Variants in SHQ1 observed in about 807,000 individuals in gnomAD.
SHQ1 encodes SHQ1, H/ACA ribonucleoprotein assembly factor.
A neutral mutation model predicts 53.8 loss-of-function variants in SHQ1; 49 were observed. The ratio of observed to expected loss-of-function variants is 0.91; its 90% CI spans 0.72 to 1.16. The LOEUF (loss-of-function observed/expected upper bound fraction) is 1.16. Ranked by LOEUF, SHQ1 falls within the 50% of genes most tolerant of loss-of-function variation. The pLI is 0.00. For synonymous variants in SHQ1, 243 were observed against 251.0 expected (o/e 0.97, Z 0.30); for missense variants, 738 against 683.1 (o/e 1.08, Z -0.90).
At chr3:72,777,702 G>T (rs1705986142) in intron 10 of SHQ1, among the ~76,000 whole-genome samples, 2 of 152,136 alleles carry the variant, frequency 1.3e-5, no homozygotes, top group Admixed American at 1.3e-4. Flanking sequence ...CCATTCCTAG[G>T]TATAGGGCTT....
At chr3:72,846,289 C>G (rs1219860496) in intron 1 of SHQ1, 3 of 1,521,140 alleles carry the variant, frequency 2.0e-6, no homozygotes, top group African/African-American at 1.4e-5. Context: ...GTATAGCAAA[C>G]TGTATGTTCT....
rs1171352955 is a variant in SHQ1, at chr3:72,765,555, A to ATTT, written c.1182-14720_1182-14719insAAA. 1.9e-3 allele frequency among the ~76,000 whole-genome samples: 133 copies of ATTT among 71,722 alleles called. 1 individual carries two copies. Among genetic ancestry groups the ATTT allele is most frequent in the African/African-American group, 6.6e-3 (103 of 15,496 alleles). The allele number at this position is 71,722 out of a possible 152,430, so 47.1% of individuals were successfully genotyped here. A position where few individuals can be genotyped will look rare whatever the true frequency, so the allele number is the denominator to read the frequency against. On this transcript the variant is annotated intron_variant, in intron 10 of 10. Transcript: ENST00000325599. Reference sequence around the variant, plus strand: ...CATATATATATATATATATATATATATATTTTTTTTTTTTTTTTGAGACAG... The same window carrying ATTT: ...CATATATATATATATATATATATATATTTTATTTTTTTTTTTTTTTTGAGACAG...
Position 72,750,624 on chromosome 3 carries a change from G to A in SHQ1, c.1394C>T (p.Ser465Leu). 1 of 1,614,172 alleles carries A rather than the reference G, an allele frequency of 6.2e-7. No individual in the cohort carries two copies. The highest frequency in any genetic ancestry group is 2.2e-5 in the East Asian group (1 of 44,888). Residue 465 changes from serine to leucine, a missense_variant, in exon 11 of 11, where the codon TCA becomes TTA. Physicochemically the swap from Ser to Leu is moderately radical, Grantham distance 145. Coordinates refer to ENST00000325599, the MANE Select transcript of SHQ1 (RefSeq NM_018130.3). ...TGAGCCTGAGTCTTCGTTTCCAGAT[G>A]ACACGCTGCTGTCTGAGTCCTCCGA... ...SDSEDSDSSVSSGNEDSGSDS... is the reference protein window; with the variant it reads ...SDSEDSDSSVLSGNEDSGSDS...
At chr3:72,796,101 CAAAAAAAAAAAAA>C (rs555086403) in intron 9 of SHQ1, among the ~76,000 whole-genome samples, 3 of 40,532 alleles carry the variant, frequency 7.4e-5, no homozygotes, top group East Asian at 7.3e-4. Flanking sequence ...GACTCCATCT[CAAAAAAAAAAAAA>C]AAAAAAAAAA....
rs570199611 is a variant in SHQ1 at position 72,819,284 on chromosome 3, G to GT, written c.728-1901dup. ...GACCCATTCGAATGTGTTTTGTCCA[G>GT]TTTTTTTCTATTGGATGGCTTGTCT... On this transcript the variant is annotated intron_variant, in intron 6 of 10. Coordinates refer to ENST00000325599, the MANE Select transcript of SHQ1 (RefSeq NM_018130.3). Among the ~76,000 whole-genome samples, 334 of 152,224 alleles carry GT rather than the reference G, an allele frequency of 2.2e-3. 2 individuals carry two copies. The highest frequency in any genetic ancestry group is 7.6e-3 in the African/African-American group (316 of 41,556).
the SHQ1 span, among the ~76,000 whole-genome samples, chr3:72,728,989 G>A: frequency 3.9e-5 from 6 of 152,204 alleles, no homozygotes; most frequent in East Asian, 1.9e-4. Flanking sequence ...GAAGCCAGCC[G>A]ACCAGGTGAC....
chr3:72,739,910 C>A, the SHQ1 span, among the ~76,000 whole-genome samples: 20 of 152,168 alleles, frequency 1.3e-4, no homozygotes, highest in African/African-American at 4.8e-4. Context: ...AGCTCCAGCA[C>A]CTTGCTATGA....
chr3:72,745,803 G>A (rs540357217), downstream of SHQ1, among the ~76,000 whole-genome samples: 7 of 151,804 alleles, frequency 4.6e-5, no homozygotes, highest in African/African-American at 1.7e-4. Context: ...TTCTGTCTAC[G>A]GCCATACCAC....
At chr3:72,771,029 T>A (rs576748088) in intron 10 of SHQ1, among the ~76,000 whole-genome samples, 4 of 152,300 alleles carry the variant, frequency 2.6e-5, no homozygotes, top group African/African-American at 9.6e-5. Context: ...TATACAGTTG[T>A]CTAGACTCAT....
At chr3:72,793,129 T>C in intron 9 of SHQ1, 93 bp from the exon 10 acceptor site, 1 of 1,156,270 alleles carries the variant, frequency 8.6e-7, no homozygotes, top group Admixed American at 2.5e-5. Context: ...AGAATCCTGA[T>C]CATTTCTTAA....
intron 10 of SHQ1, among the ~76,000 whole-genome samples, chr3:72,779,532 A>C (rs541981237): frequency 2.6e-5 from 4 of 152,224 alleles, no homozygotes; most frequent in Non-Finnish European, 5.9e-5. Flanking sequence ...TCCTCATCAG[A>C]CCACAAATTC....
chr3:72,779,068 G>C (rs984561040), intron 10 of SHQ1, among the ~76,000 whole-genome samples: 4 of 152,140 alleles, frequency 2.6e-5, no homozygotes. Flanking sequence ...ATCATATGCT[G>C]AAAATCCTTC....
the SHQ1 span, among the ~76,000 whole-genome samples, chr3:72,738,741 A>G: frequency 6.6e-6 from 1 of 152,108 alleles, no homozygotes; most frequent in Non-Finnish European, 1.5e-5. Context: ...AGCTTCTTAC[A>G]ATTCTTAAAC....
chr3:72,765,553 A>ATTTT (rs1301529961), intron 10 of SHQ1, among the ~76,000 whole-genome samples: 15 of 85,414 alleles, frequency 1.8e-4, no homozygotes, highest in African/African-American at 9.8e-4. Flanking sequence ...ATATATATAT[A>ATTTT]TATATTTTTT....
intron 10 of SHQ1, among the ~76,000 whole-genome samples, chr3:72,757,124 T>C (rs994547931): frequency 1.3e-5 from 2 of 152,350 alleles, no homozygotes; most frequent in East Asian, 3.9e-4. Flanking sequence ...CTTCCTGCAA[T>C]AGCAGGTCTA....
intron 9 of SHQ1, among the ~76,000 whole-genome samples, chr3:72,805,360 A>C (rs1706908062): frequency 1.3e-5 from 2 of 152,194 alleles, no homozygotes; most frequent in African/African-American, 4.8e-5. Context: ...TTAATATACA[A>C]TAGGACTTTG....
rs185094533 is a variant in SHQ1, at chr3:72,836,848, T to C, written c.486+4197A>G. Reference sequence around the variant, plus strand: ...ACTAGTTATTAGAGCTATTTAAAGATAGACATTGCCAAGAAAAGGTCAGGT... The same window carrying C: ...ACTAGTTATTAGAGCTATTTAAAGACAGACATTGCCAAGAAAAGGTCAGGT... On this transcript the variant is annotated intron_variant, in intron 4 of 10. Transcript: ENST00000325599. Among the ~76,000 whole-genome samples, 59 of 152,332 alleles carry C rather than the reference T, an allele frequency of 3.9e-4. 2 individuals carry two copies. The highest frequency in any genetic ancestry group is 2.5e-3 in the Admixed American group (38 of 15,302).
chr3:72,729,228 G>A, the SHQ1 span, among the ~76,000 whole-genome samples: 2 of 152,272 alleles, frequency 1.3e-5, no homozygotes, highest in South Asian at 4.1e-4. Flanking sequence ...GCTCCTATTG[G>A]GTTTTGAGCC....
chr3:72,761,171 A>C (rs1297637653), intron 10 of SHQ1, among the ~76,000 whole-genome samples: 1 of 152,048 alleles, frequency 6.6e-6, no homozygotes, highest in Non-Finnish European at 1.5e-5. Flanking sequence ...TTATTTTTAA[A>C]ATTTTTTTTA....
Sources: gnomAD v4.1 joint callset for allele counts (sites outside exome capture counted in the v4.1 genomes callset) on GRCh38, gnomAD v4.1.1 for gene constraint, MANE v1.5 for transcripts, NCBI Gene and HGNC (gene_info 2026-07-23, HGNC 2026-07-21) for gene names.